Variants in POFUT3 observed in about 807,000 individuals in gnomAD.
The protein encoded by POFUT3 is protein O-fucosyltransferase 3, also known as GDP-fucose protein O-fucosyltransferase 3.
At chr8:33,318,815 A>ATATAATATATATATATTTTATATATAT in the POFUT3 span, among the ~76,000 whole-genome samples, 2 of 33,548 alleles carry the variant, frequency 6.0e-5, no homozygotes, top group Non-Finnish European at 4.2e-5. Context: ...TATATATATT[A>ATATAATATATATATATTTTATATATAT]TATATATATA....
At chr8:33,470,051 C>T in the POFUT3 span, among the ~76,000 whole-genome samples, 1 of 151,520 alleles carries the variant, frequency 6.6e-6, no homozygotes, top group South Asian at 2.1e-4. Context: ...CCTCGGCCTC[C>T]CAAAGTGCTA....
chr8:33,379,297 A>G, the POFUT3 span, among the ~76,000 whole-genome samples: 1 of 152,068 alleles, frequency 6.6e-6, no homozygotes, highest in Non-Finnish European at 1.5e-5. Context: ...CAACCCACGC[A>G]CATTAACAGC....
At chr8:33,403,613 G>A in the POFUT3 span, among the ~76,000 whole-genome samples, 1 of 152,120 alleles carries the variant, frequency 6.6e-6, no homozygotes, top group Non-Finnish European at 1.5e-5. Flanking sequence ...AGCTACTAGG[G>A]AGAGAGTGTG....
At chr8:33,466,153 G>A in the POFUT3 span, among the ~76,000 whole-genome samples, 3 of 152,108 alleles carry the variant, frequency 2.0e-5, no homozygotes, top group Non-Finnish European at 4.4e-5. Context: ...AAAGAACAGA[G>A]CCAGCCAGGT....
chr8:33,338,657 G>A, the POFUT3 span, among the ~76,000 whole-genome samples: 15 of 152,288 alleles, frequency 9.8e-5, no homozygotes, highest in Middle Eastern at 3.4e-3. Context: ...TGCAGTATCA[G>A]TAGAGACCAT....
chr8:33,354,557 A>G, the POFUT3 span, among the ~76,000 whole-genome samples: 2 of 152,214 alleles, frequency 1.3e-5, no homozygotes, highest in Non-Finnish European at 2.9e-5. Flanking sequence ...TCTGGATTAA[A>G]TAATGCCTGT....
At chr8:33,383,315 G>A in the POFUT3 span, among the ~76,000 whole-genome samples, 1 of 152,168 alleles carries the variant, frequency 6.6e-6, no homozygotes, top group African/African-American at 2.4e-5. Flanking sequence ...GGTACCAGGA[G>A]TGGCGCTAAA....
chr8:33,376,096 A>G, the POFUT3 span, among the ~76,000 whole-genome samples: 1 of 151,984 alleles, frequency 6.6e-6, no homozygotes, highest in Non-Finnish European at 1.5e-5. Context: ...TTAGCTAAAT[A>G]TTGTGGTTGC....
the POFUT3 span, among the ~76,000 whole-genome samples, chr8:33,329,158 G>A: frequency 2.7e-4 from 38 of 138,742 alleles, no homozygotes; most frequent in African/African-American, 9.1e-4. Flanking sequence ...TACATCAAGT[G>A]TCCGTCTTTC....
At chr8:33,455,454 T>C in the POFUT3 span, among the ~76,000 whole-genome samples, 32 of 152,176 alleles carry the variant, frequency 2.1e-4, no homozygotes, top group African/African-American at 7.7e-4. Context: ...AGTCCAGGAG[T>C]TCAAGGCTGC....
the POFUT3 span, among the ~76,000 whole-genome samples, chr8:33,462,684 C>T: frequency 6.6e-6 from 1 of 152,146 alleles, no homozygotes; most frequent in Non-Finnish European, 1.5e-5. Context: ...AATCACAGCA[C>T]TTTGGGAGGC....
At chr8:33,379,843 A>AAAAAAAAATATATATATATATAT in the POFUT3 span, among the ~76,000 whole-genome samples, 1 of 42,498 alleles carries the variant, frequency 2.4e-5, no homozygotes, top group African/African-American at 5.9e-5. Flanking sequence ...CTAAAAAAAA[A>AAAAAAAAATATATATATATATAT]AAAATATATA....
At chr8:33,446,443 C>T in the POFUT3 span, among the ~76,000 whole-genome samples, 19 of 128,148 alleles carry the variant, frequency 1.5e-4, no homozygotes, top group African/African-American at 4.5e-4. Context: ...GGTGACAAGG[C>T]AAGATCCTAT....
chr8:33,365,537 T>C, the POFUT3 span, among the ~76,000 whole-genome samples: 1 of 152,112 alleles, frequency 6.6e-6, no homozygotes, highest in Non-Finnish European at 1.5e-5. Flanking sequence ...ATCCAGAATC[T>C]ATAAAGAACT....
At chr8:33,370,354 C>A in the POFUT3 span, among the ~76,000 whole-genome samples, 2 of 151,412 alleles carry the variant, frequency 1.3e-5, no homozygotes, top group Admixed American at 1.3e-4. Context: ...GACTTCTTCT[C>A]AAAAAAAATA....
the POFUT3 span, among the ~76,000 whole-genome samples, chr8:33,426,531 T>C: frequency 6.6e-6 from 1 of 152,232 alleles, no homozygotes; most frequent in African/African-American, 2.4e-5. Context: ...GCAGAGGAAG[T>C]GAAGTATATC....
the POFUT3 span, among the ~76,000 whole-genome samples, chr8:33,356,307 A>G: frequency 3.3e-4 from 50 of 152,080 alleles, no homozygotes; most frequent in African/African-American, 1.1e-3. Context: ...AAGTGTTCCT[A>G]TTTCTCCACA....
At chr8:33,409,261 C>T in the POFUT3 span, among the ~76,000 whole-genome samples, 5 of 152,240 alleles carry the variant, frequency 3.3e-5, no homozygotes, top group African/African-American at 9.6e-5. Context: ...CACCACCATG[C>T]CCATCTAGTT....
the POFUT3 span, among the ~76,000 whole-genome samples, chr8:33,447,005 G>C: frequency 1.3e-5 from 2 of 152,140 alleles, no homozygotes; most frequent in African/African-American, 2.4e-5. Context: ...CATCGACTAG[G>C]TCTGCTCTCA....
Sources: gnomAD v4.1 joint callset for allele counts (sites outside exome capture counted in the v4.1 genomes callset) on GRCh38, gnomAD v4.1.1 for gene constraint, MANE v1.5 for transcripts, NCBI Gene and HGNC (gene_info 2026-07-23, HGNC 2026-07-21) for gene names.